The following CORIN variants were observed in gnomAD, a reference collection of about 807,000 sequenced individuals.
CORIN encodes the protein corin, serine peptidase.
Under a neutral mutation model 125.3 loss-of-function variants are expected in CORIN, and 117 were observed. The ratio of observed to expected loss-of-function variants is 0.93; its 90% CI spans 0.80 to 1.09. The LOEUF is 1.09. CORIN is among the 50% of genes least tolerant of loss of function. The pLI is 0.00. For missense variants in CORIN, 1,253 were observed against 1,306.7 expected (o/e 0.96, Z 0.63); for synonymous variants, 450 against 466.4 (o/e 0.96, Z 0.45).
chr4:47,756,263 T>A (rs557922018), intron 4 of CORIN, among the ~76,000 whole-genome samples: 1 of 152,140 alleles, frequency 6.6e-6, no homozygotes, highest in Non-Finnish European at 1.5e-5. Context: ...GAAAGGAAGG[T>A]CAGTGCAACT....
chr4:47,686,475 C>T (rs184488401), intron 6 of CORIN, among the ~76,000 whole-genome samples: 102 of 152,240 alleles, frequency 6.7e-4, no homozygotes, highest in Non-Finnish European at 5.7e-4. Context: ...CAGCAGAGGG[C>T]GCTATTTCCC....
chr4:47,822,771 A>C (rs1315777437), intron 1 of CORIN, among the ~76,000 whole-genome samples: 2 of 151,814 alleles, frequency 1.3e-5, no homozygotes, highest in African/African-American at 4.8e-5. Context: ...TTTTGTGGAG[A>C]GGTACTTTGA....
In CORIN at chr4:47,693,071, C is replaced by G; in HGVS notation, c.812G>C (p.Arg271Thr). ...QENGKQLLCG[R>T]GENFLCASGI... ...ACTGGCACACAGAAAGTTCTCACCC[C>G]TTCCACAGAGCACTAAAAAAAAAGG... The change falls in exon 6 of 22, where the codon AGG becomes ACG. Residue 271 changes from arginine to threonine, a missense_variant. Coordinates refer to ENST00000273857, the MANE Select transcript of CORIN (RefSeq NM_006587.4). The G allele has an allele frequency of 6.2e-7, 1 of 1,611,616 alleles. No homozygotes were observed. The highest frequency in any genetic ancestry group is 8.5e-7 in the Non-Finnish European group (1 of 1,177,890).
chr4:47,759,028 C>T (rs994142376), intron 4 of CORIN, among the ~76,000 whole-genome samples: 3 of 152,084 alleles, frequency 2.0e-5, no homozygotes, highest in African/African-American at 7.2e-5. Flanking sequence ...GGAATGGAAC[C>T]AAGATCCAAT....
At chr4:47,664,953 G>C in intron 11 of CORIN, 79 bp downstream of exon 11, 1 of 886,758 alleles carries the variant, frequency 1.1e-6, no homozygotes, top group Non-Finnish European at 1.8e-6. Flanking sequence ...AATTTACGTT[G>C]TCCAAACTCA....
At chr4:47,759,060 G>A (rs1729327494) in intron 4 of CORIN, among the ~76,000 whole-genome samples, 1 of 152,164 alleles carries the variant, frequency 6.6e-6, no homozygotes, top group Non-Finnish European at 1.5e-5. Flanking sequence ...TGCCTTTACA[G>A]TAAACTGGTT....
At chr4:47,722,445 T>C (rs993649489) in intron 5 of CORIN, among the ~76,000 whole-genome samples, 1 of 152,222 alleles carries the variant, frequency 6.6e-6, no homozygotes. Context: ...TTTTTAAACA[T>C]TTCAAACCTG....
At chr4:47,799,467 A>T (rs1359385420) in intron 2 of CORIN, among the ~76,000 whole-genome samples, 1 of 151,976 alleles carries the variant, frequency 6.6e-6, no homozygotes, top group Non-Finnish European at 1.5e-5. Context: ...GATTGGTGTG[A>T]GATGGTATCT....
chr4:47,804,919 G>A (rs377168758), intron 2 of CORIN, among the ~76,000 whole-genome samples: 70 of 151,470 alleles, frequency 4.6e-4, no homozygotes, highest in Admixed American at 7.9e-4. Context: ...GGTGGATCAC[G>A]CGGTCAGGAG....
intron 7 of CORIN, chr4:47,681,030 T>A (rs576999750): frequency 6.6e-6 from 1 of 152,346 alleles, no homozygotes; most frequent in East Asian, 1.9e-4. Context: ...GAAAAAGAAC[T>A]AAGTGATAAG....
At chr4:47,781,048 A>G (rs556279676) in intron 3 of CORIN, among the ~76,000 whole-genome samples, 6 of 152,234 alleles carry the variant, frequency 3.9e-5, no homozygotes, top group African/African-American at 1.4e-4. Flanking sequence ...TATAAAAAAC[A>G]AATAGCAAAA....
chr4:47,786,699 C>G (rs147323984), intron 3 of CORIN, 26 bp downstream of exon 3: 1 of 1,589,808 alleles, frequency 6.3e-7, no homozygotes, highest in African/African-American at 1.3e-5. Context: ...TTAAAAGCCT[C>G]TAGCATGTAT....
rs1422064935 is a variant in CORIN at position 47,603,479 on chromosome 4, A to G, written c.2730T>C (p.Pro910=). Residue 910 remains proline (P), a synonymous_variant, in exon 20 of 22, where the codon CCT becomes CCC. Transcript: ENST00000273857. ...EDISETGYVR[P]VCLPNPEQWL... The stretch of plus-strand genomic sequence containing the variant: ...ACTGCTCCGGGTTGGGCAAGCAGAC[A>G]GGCCGGACGTAGCCAGTCTCACTGA... 1 of 1,614,194 alleles carries G rather than the reference A, an allele frequency of 6.2e-7. No individual in the cohort carries two copies. Among genetic ancestry groups the G allele is most frequent in the South Asian group, 1.1e-5 (1 of 91,082 alleles).
chr4:47,765,008 G>C (rs1241967235), intron 3 of CORIN, among the ~76,000 whole-genome samples: 1 of 152,010 alleles, frequency 6.6e-6, no homozygotes, highest in Non-Finnish European at 1.5e-5. Context: ...TTTTAAAAAT[G>C]CAAGATAGAA....
chr4:47,720,373 A>C (rs1252313285), intron 5 of CORIN, among the ~76,000 whole-genome samples: 1 of 152,166 alleles, frequency 6.6e-6, no homozygotes, highest in Non-Finnish European at 1.5e-5. Flanking sequence ...CAAACCTCTA[A>C]ATTTCTTTTT....
In CORIN at chr4:47,786,891, C is replaced by T; in HGVS notation, c.243G>A (p.Gly81=). 6.2e-7 allele frequency: 1 copy of T among 1,613,216 alleles called. No individual in the cohort carries two copies. The highest frequency in any genetic ancestry group is 8.5e-7 in the Non-Finnish European group (1 of 1,179,292). The change falls in exon 3 of 22, where the codon GGG becomes GGA. Residue 81 remains glycine, a synonymous_variant. Coordinates refer to ENST00000273857, the MANE Select transcript of CORIN (RefSeq NM_006587.4). ...CACCATCAGTGACCAAAGGTTCACT[C>T]CCATTTGATTTAAAATAGACCTTTT... ...TLQKVYFKSN[G]SEPLVTDGEI... is the part of the protein sequence containing the mutation.
intron 4 of CORIN, among the ~76,000 whole-genome samples, chr4:47,760,373 A>G (rs1729390181): frequency 6.6e-6 from 1 of 152,158 alleles, no homozygotes; most frequent in African/African-American, 2.4e-5. Context: ...CTCTAATGCC[A>G]TTTATTGACT....
chr4:47,605,436 C>T (rs947031191), intron 19 of CORIN, among the ~76,000 whole-genome samples: 1 of 152,116 alleles, frequency 6.6e-6, no homozygotes, highest in Non-Finnish European at 1.5e-5. Context: ...TTCATCACTC[C>T]CTCCATCCCT....
At chr4:47,671,541 C>T (rs1378636520) in intron 10 of CORIN, among the ~76,000 whole-genome samples, 1 of 152,182 alleles carries the variant, frequency 6.6e-6, no homozygotes, top group Non-Finnish European at 1.5e-5. Flanking sequence ...GGAATAACAT[C>T]TTGACTTTCA....
Sources: gnomAD v4.1 joint callset for allele counts (sites outside exome capture counted in the v4.1 genomes callset) on GRCh38, gnomAD v4.1.1 for gene constraint, MANE v1.5 for transcripts, NCBI Gene and HGNC (gene_info 2026-07-23, HGNC 2026-07-21) for gene names.